Variants in MOB3A observed in about 807,000 individuals in gnomAD.
MOB3A encodes the protein MOB kinase activator 3A, also known as MOB LAK.
A neutral mutation model predicts 17.8 loss-of-function variants in MOB3A; 17 were observed. The ratio of observed to expected loss-of-function variants is 0.95; its 90% confidence interval spans 0.65 to 1.43. The LOEUF is 1.43. Among genes scored for constraint, MOB3A ranks in the 40% most tolerant of loss-of-function variants. MOB3A has a pLI of 0.00. For missense variants in MOB3A, 333 were observed against 310.8 expected, an observed-to-expected ratio of 1.07 and a Z score of -0.54; for synonymous variants, 124 against 133.2, an observed-to-expected ratio of 0.93 and a Z score of 0.48.
At chr19:2,077,079 C>T in intron 3 of MOB3A, 66 bp from the exon 4 acceptor site, 1 of 1,418,504 alleles carries the variant, frequency 7.0e-7, no homozygotes, top group Non-Finnish European at 9.7e-7. Context: ...CCCTTTGCTC[C>T]TGGATGTGAC....
At chr19:2,094,203 C>A (rs1471126758) in intron 1 of MOB3A, among the ~76,000 whole-genome samples, 1 of 152,054 alleles carries the variant, frequency 6.6e-6, no homozygotes, top group African/African-American at 2.4e-5. Flanking sequence ...CCCGCCGCCA[C>A]GCCCGGCTAA....
chr19:2,090,412 C>A (rs1248470872), intron 1 of MOB3A, among the ~76,000 whole-genome samples: 1 of 152,172 alleles, frequency 6.6e-6, no homozygotes, highest in Non-Finnish European at 1.5e-5. Flanking sequence ...GAAGATTCTG[C>A]CCCTCAACAC....
chr19:2,093,884 C>T lies in MOB3A; in HGVS notation c.-274+2342G>A, dbSNP rs574595423. The stretch of plus-strand genomic sequence containing the variant: ...ATGCTGGGATTTCACTTTCTTAGTT[C>T]TCACTCTGTAATCGGTAGATCTCAG... On this transcript the variant is annotated intron_variant, in intron 1 of 4. Transcript: ENST00000357066. The surrounding 1 kb of genome is among the most constrained non-coding windows in gnomAD (Gnocchi z 4.6). 1.3e-5 allele frequency among the ~76,000 whole-genome samples: 2 copies of T among 152,148 alleles called. No individual in the cohort carries two copies. Among genetic ancestry groups the T allele is most frequent in the Admixed American group, 6.5e-5 (1 of 15,268 alleles).
At chr19:2,073,668 ACT>A (rs980221812) in intron 4 of MOB3A, among the ~76,000 whole-genome samples, 2 of 152,096 alleles carry the variant, frequency 1.3e-5, no homozygotes, top group East Asian at 1.9e-4. Context: ...TGATGGCTCA[ACT>A]CTGTCTTGTA....
rs2017631244 is a variant in MOB3A at position 2,093,050 on chromosome 19, G to T, written c.-274+3176C>A. 6.6e-6 allele frequency among the ~76,000 whole-genome samples: 1 copy of T among 152,036 alleles called. No homozygotes were observed. ...GGAACAGAGCTCATCGGCTGGGGAAGGTCTAAAACTCCCCACCTTAAAACC... is the reference window on the plus strand; with the variant it reads ...GGAACAGAGCTCATCGGCTGGGGAATGTCTAAAACTCCCCACCTTAAAACC... On this transcript the variant is annotated intron_variant, in intron 1 of 4. Transcript: ENST00000357066. This position sits in a 1 kb window ranked among gnomAD's most constrained non-coding sequence, Gnocchi z 4.6.
At chr19:2,089,165 A>C (rs1169573260) in intron 1 of MOB3A, among the ~76,000 whole-genome samples, 2 of 152,178 alleles carry the variant, frequency 1.3e-5, no homozygotes, top group Non-Finnish European at 2.9e-5. Context: ...ATTAGTAAAC[A>C]GGCCTGGCAT....
chr19:2,084,920 C>G (rs1193214046), intron 2 of MOB3A, among the ~76,000 whole-genome samples: 2 of 151,836 alleles, frequency 1.3e-5, no homozygotes, highest in Non-Finnish European at 2.9e-5. Flanking sequence ...ACAGGGGTTT[C>G]ACCATGTTGC....
rs2017470359 is a variant in MOB3A at position 2,080,286 on chromosome 19, G to A, written c.-119-1607C>T. Among the ~76,000 whole-genome samples, 4 of 152,252 alleles carry A rather than the reference G, an allele frequency of 2.6e-5. No individual in the cohort carries two copies. The South Asian group carries it at 8.3e-4, about 32-fold the overall frequency. On this transcript the variant is annotated intron_variant, in intron 2 of 4. Coordinates refer to ENST00000357066, the MANE Select transcript of MOB3A (RefSeq NM_130807.3). ...GGGGGAGTCAGAGAGGGGAGAGGGA[G>A]TGAGGCCCACACATGCCCAGGCCTC...
rs2017639197 is a variant in MOB3A at position 2,093,833 on chromosome 19, G to T, written c.-274+2393C>A. On this transcript the variant is annotated intron_variant, in intron 1 of 4. Transcript: ENST00000357066. The surrounding 1 kb of genome is among the most constrained non-coding windows in gnomAD (Gnocchi z 4.6). ...CCCTGGGGAAAGGGAAACACATCCA[G>T]GGGGTCCGGAGGACAGGGACGTGAC... is the stretch of plus-strand genomic sequence containing the variant. Among the ~76,000 whole-genome samples the T allele has an allele frequency of 6.6e-6, 1 of 152,142 alleles. No homozygotes were observed. Among genetic ancestry groups the T allele is most frequent in the African/African-American group, 2.4e-5 (1 of 41,420 alleles).
At chr19:2,092,208 C>G (rs1183892751) in intron 1 of MOB3A, among the ~76,000 whole-genome samples, 1 of 151,086 alleles carries the variant, frequency 6.6e-6, no homozygotes. Context: ...TCAAATGACC[C>G]TCCCACCTCA....
intron 4 of MOB3A, among the ~76,000 whole-genome samples, chr19:2,075,326 G>A (rs777026625): frequency 3.3e-5 from 5 of 152,270 alleles, no homozygotes; most frequent in East Asian, 1.9e-4. Context: ...CACCTCGTCC[G>A]TCCATTTTTA....
chr19:2,092,898 T>C (rs2017629643), intron 1 of MOB3A, among the ~76,000 whole-genome samples: 1 of 152,132 alleles, frequency 6.6e-6, no homozygotes, highest in Non-Finnish European at 1.5e-5. Context: ...CCACCCACTG[T>C]GTGTTCCAGA....
At position 2,074,858 on chromosome 19, in the gene MOB3A, C is replaced by T. The variant is rs537056220; in HGVS notation, c.625-1434G>A. ...TCAGCCTCCCGAGTAGCTGGAATTA[C>T]AGGCGCGTGCCACCATGCCCAGCTA... On this transcript the variant is annotated intron_variant, in intron 4 of 4. Transcript: ENST00000357066. Among the ~76,000 whole-genome samples, 6 of 152,146 alleles carry T rather than the reference C, an allele frequency of 3.9e-5. No individual in the cohort carries two copies. The South Asian group carries it at 1.2e-3, about 32-fold the overall frequency.
intron 4 of MOB3A, among the ~76,000 whole-genome samples, chr19:2,076,432 A>AAAAC (rs1222743117): frequency 6.6e-6 from 1 of 152,228 alleles, no homozygotes; most frequent in Non-Finnish European, 1.5e-5. Flanking sequence ...ACTCCGTCTC[A>AAAAC]AAACAAACAA....
intron 3 of MOB3A, 39 bp from the exon 4 acceptor site, chr19:2,077,052 C>T: frequency 6.4e-7 from 1 of 1,564,028 alleles, no homozygotes. Context: ...CGGACTCAGC[C>T]AAGTCCATGT....
At chr19:2,077,581 T>TC (rs2017428476) in intron 3 of MOB3A, among the ~76,000 whole-genome samples, 1 of 151,744 alleles carries the variant, frequency 6.6e-6, no homozygotes, top group Non-Finnish European at 1.5e-5. Context: ...GCCCAGGGGC[T>TC]CCATGGCAGT....
At position 2,093,699 on chromosome 19, in the gene MOB3A, T is replaced by C. The variant is rs2017637845; in HGVS notation, c.-274+2527A>G. Reference sequence around the variant, plus strand: ...ATTGCAAGGCCTCCACAGCCACAGGTAGTAAGCTCAGCTCCAGAGTTAAAA... The same window carrying C: ...ATTGCAAGGCCTCCACAGCCACAGGCAGTAAGCTCAGCTCCAGAGTTAAAA... On this transcript the variant is annotated intron_variant, in intron 1 of 4. Transcript: ENST00000357066. This position sits in a 1 kb window ranked among gnomAD's most constrained non-coding sequence, Gnocchi z 4.6. 6.6e-6 allele frequency among the ~76,000 whole-genome samples: 1 copy of C among 151,940 alleles called. No individual in the cohort carries two copies. Among genetic ancestry groups the C allele is most frequent in the Non-Finnish European group, 1.5e-5 (1 of 67,984 alleles).
chr19:2,078,814 A>G, intron 2 of MOB3A, 135 bp from the exon 3 acceptor site: 1 of 452,068 alleles, frequency 2.2e-6, no homozygotes, highest in Non-Finnish European at 3.9e-6. Context: ...GCTGGAGTAC[A>G]GTGGTGCCAT....
chr19:2,090,916 C>T (rs1364765798), intron 1 of MOB3A, among the ~76,000 whole-genome samples: 4 of 152,224 alleles, frequency 2.6e-5, no homozygotes, highest in Non-Finnish European at 5.9e-5. Context: ...CCCACCTTGG[C>T]CTCCCAAAGT....
Sources: allele counts gnomAD v4.1 joint callset (sites outside exome capture counted in the v4.1 genomes callset), GRCh38; gene constraint gnomAD v4.1.1; non-coding constraint Gnocchi (gnomAD v3.1); transcripts MANE v1.5; gene names NCBI Gene and HGNC (gene_info 2026-07-23, HGNC 2026-07-21).